SPOCK3: variants seen among roughly 807,000 people sequenced by gnomAD.
The protein encoded by SPOCK3 is testican-3.
Under a neutral mutation model 56.6 loss-of-function variants are expected in SPOCK3, and 30 were observed. That is an observed-to-expected ratio of 0.53 (90% CI 0.40 to 0.72). SPOCK3 has a LOEUF of 0.72. Among genes scored for constraint, SPOCK3 ranks in the 30% least tolerant of loss-of-function variants. SPOCK3 has a pLI of 0.00. For synonymous variants in SPOCK3, 196 were observed against 183.3 expected, an observed-to-expected ratio of 1.07 and a Z score of -0.56; for missense variants, 527 against 530.0, an observed-to-expected ratio of 0.99 and a Z score of 0.06.
intron 2 of SPOCK3, among the ~76,000 whole-genome samples, chr4:167,230,537 A>G (rs1181659392): frequency 1.3e-5 from 2 of 149,570 alleles, no homozygotes; most frequent in South Asian, 2.1e-4. Context: ...TGTAACCAGT[A>G]TATCTACTGA....
At chr4:166,899,085 A>G (rs987557274) in intron 5 of SPOCK3, among the ~76,000 whole-genome samples, 1 of 151,920 alleles carries the variant, frequency 6.6e-6, no homozygotes, top group Non-Finnish European at 1.5e-5. Context: ...TTGGACTCAC[A>G]TCTGGGACTT....
chr4:166,812,691 T>C (rs1743957409), intron 6 of SPOCK3, among the ~76,000 whole-genome samples: 1 of 152,002 alleles, frequency 6.6e-6, no homozygotes, highest in Non-Finnish European at 1.5e-5. Flanking sequence ...AGTATGATAT[T>C]GGAATGAACT....
chr4:167,120,783 A>G (rs1471388015), intron 2 of SPOCK3, among the ~76,000 whole-genome samples: 2 of 128,066 alleles, frequency 1.6e-5, no homozygotes, highest in Non-Finnish European at 3.3e-5. Context: ...AAACATCAAA[A>G]ATGGTTATCT....
chr4:167,057,139 C>T lies in SPOCK3; in HGVS notation c.235+5353G>A, dbSNP rs531318006. 1.9e-3 allele frequency among the ~76,000 whole-genome samples: 283 copies of T among 152,240 alleles called. 1 individual carries two copies. The highest frequency in any genetic ancestry group is 6.6e-3 in the African/African-American group (275 of 41,540). On this transcript the variant is annotated intron_variant, in intron 3 of 10. Transcript: ENST00000357545. The stretch of plus-strand genomic sequence containing the variant: ...AGAGTGGGGGCCAATATTCAACATT[C>T]TTAAAGAAAAGAATTTTCAACCCAG...
chr4:166,829,575 A>G (rs570690691), intron 6 of SPOCK3, among the ~76,000 whole-genome samples: 1 of 152,208 alleles, frequency 6.6e-6, no homozygotes, highest in South Asian at 2.1e-4. Flanking sequence ...AAGATCTTTT[A>G]ACTTACTAAT....
intron 6 of SPOCK3, among the ~76,000 whole-genome samples, chr4:166,840,771 G>GTTTTTTTTTTTTTTTTT (rs70955697): frequency 1.5e-5 from 1 of 68,194 alleles, no homozygotes; most frequent in Non-Finnish European, 2.7e-5. Flanking sequence ...AGAAGCAAAA[G>GTTTTTTTTTTTTTTTTT]TTTTTTTTTT....
chr4:166,899,508 CT>C (rs781766258), intron 5 of SPOCK3, among the ~76,000 whole-genome samples: 107 of 119,098 alleles, frequency 9.0e-4, no homozygotes, highest in Admixed American at 1.6e-3. Context: ...TTCTTTCTTT[CT>C]TTTTTTTTTT....
In SPOCK3 at chr4:166,737,658, C is replaced by G. The variant is rs1579070627; in HGVS notation, c.995-54G>C. On this transcript the variant is annotated intron_variant, in intron 9 of 10. Coordinates refer to ENST00000357545, the MANE Select transcript of SPOCK3 (RefSeq NM_001040159.2). ...CACACACATGTAGTTTATGAATAAG[C>G]TGTGCTCCTTTCTGAGAAGCACCCA... is the stretch of plus-strand genomic sequence containing the variant. 3 of 1,549,358 alleles carry G rather than the reference C, an allele frequency of 1.9e-6. No individual in the cohort carries two copies. The East Asian group carries it at 6.9e-5, about 36-fold the overall frequency.
chr4:166,775,222 G>T (rs764219287), intron 7 of SPOCK3, among the ~76,000 whole-genome samples: 4 of 152,148 alleles, frequency 2.6e-5, no homozygotes, highest in African/African-American at 7.2e-5. Flanking sequence ...GAGTAGAGTG[G>T]ATGAGGAGAA....
intron 3 of SPOCK3, among the ~76,000 whole-genome samples, chr4:167,035,877 C>T (rs1243535286): frequency 6.6e-6 from 1 of 152,090 alleles, no homozygotes; most frequent in Admixed American, 6.6e-5. Flanking sequence ...CTGATTTCTG[C>T]AACTCCATGT....
intron 6 of SPOCK3, among the ~76,000 whole-genome samples, chr4:166,851,266 T>A (rs1730046008): frequency 6.6e-6 from 1 of 152,110 alleles, no homozygotes; most frequent in Admixed American, 6.5e-5. Flanking sequence ...TCCTGTCTGT[T>A]AGAAGGAAAA....
chr4:166,797,359 T>C (rs917299463), intron 6 of SPOCK3, among the ~76,000 whole-genome samples: 1 of 151,496 alleles, frequency 6.6e-6, no homozygotes, highest in Non-Finnish European at 1.5e-5. Context: ...TTGATCTTTT[T>C]TATTCAATAC....
chr4:166,797,230 TTTC>T (rs901012814), intron 6 of SPOCK3, among the ~76,000 whole-genome samples: 11 of 143,876 alleles, frequency 7.6e-5, no homozygotes, highest in South Asian at 2.2e-4. Context: ...GATTTCCACC[TTTC>T]TTTTTTTTTT....
chr4:167,133,960 G>A (rs1375241087), intron 2 of SPOCK3, among the ~76,000 whole-genome samples: 2 of 151,238 alleles, frequency 1.3e-5, no homozygotes, highest in Non-Finnish European at 2.9e-5. Flanking sequence ...TAATATGTTG[G>A]TGTAGGCATG....
chr4:166,966,816 G>T (rs2150066822), intron 4 of SPOCK3, among the ~76,000 whole-genome samples: 1 of 152,154 alleles, frequency 6.6e-6, no homozygotes, highest in Admixed American at 6.5e-5. Flanking sequence ...GAGTCTTGGG[G>T]ATCCCAAGGA....
At chr4:167,025,253 T>C (rs1751593985) in intron 3 of SPOCK3, among the ~76,000 whole-genome samples, 1 of 151,028 alleles carries the variant, frequency 6.6e-6, no homozygotes. Context: ...AAACTGCCCA[T>C]CTGCAGATGG....
chr4:166,844,165 C>T (rs1747810487), intron 6 of SPOCK3, among the ~76,000 whole-genome samples: 1 of 152,120 alleles, frequency 6.6e-6, no homozygotes, highest in Admixed American at 6.5e-5. Flanking sequence ...TTCTTTGGGT[C>T]AAAAACAAAT....
intron 4 of SPOCK3, among the ~76,000 whole-genome samples, chr4:166,961,722 C>T (rs947182564): frequency 1.3e-5 from 2 of 151,980 alleles, no homozygotes; most frequent in African/African-American, 4.8e-5. Context: ...GACATTTTTT[C>T]CTTGCAATTC....
chr4:167,024,763 G>T (rs7671612), intron 3 of SPOCK3, among the ~76,000 whole-genome samples: 3 of 151,664 alleles, frequency 2.0e-5, no homozygotes, highest in Non-Finnish European at 4.4e-5. Flanking sequence ...CTGCTCGGGT[G>T]GTGGGTCACC....
Sources: allele counts gnomAD v4.1 joint callset (sites outside exome capture counted in the v4.1 genomes callset), GRCh38; gene constraint gnomAD v4.1.1; transcripts MANE v1.5; gene names NCBI Gene and HGNC (gene_info 2026-07-23, HGNC 2026-07-21).